CADPS: variants seen among roughly 807,000 people sequenced by gnomAD.
CADPS encodes calcium dependent secretion activator, also known as calcium-dependent secretion activator 1.
Under a neutral mutation model 167.3 loss-of-function variants are expected in CADPS, and 57 were observed. The ratio of observed to expected loss-of-function variants is 0.34; its 90% CI spans 0.28 to 0.42. The LOEUF (loss-of-function observed/expected upper bound fraction) is 0.42, where lower values mean the gene tolerates loss of function less well. Among genes scored for constraint, CADPS ranks in the 20% least tolerant of loss-of-function variants. The pLI, the probability that CADPS is intolerant of heterozygous loss-of-function variation, is 1.00. For missense variants in CADPS, 1,414 were observed against 1,738.1 expected (o/e 0.81, Z 3.32); for synonymous variants, 676 against 635.3 (o/e 1.06, Z -0.96).
chr3:62,674,986 T>C (rs2076128172), intron 3 of CADPS, among the ~76,000 whole-genome samples: 2 of 152,216 alleles, frequency 1.3e-5, no homozygotes, highest in South Asian at 2.1e-4. Context: ...GGTTAATTTA[T>C]TCCATGGTAA....
chr3:62,657,868 G>A (rs4688136), intron 4 of CADPS, among the ~76,000 whole-genome samples: 42,445 of 151,924 alleles, frequency 0.28, 6,700 homozygotes, highest in East Asian at 0.68. Context: ...TGAGAATGCT[G>A]CTGGCAAAAT....
intron 3 of CADPS, among the ~76,000 whole-genome samples, chr3:62,715,856 A>ACGCCGTTCTCC (rs71123292): frequency 7.2e-6 from 1 of 138,406 alleles, no homozygotes; most frequent in Non-Finnish European, 1.6e-5. Flanking sequence ...TCCCGGGTTC[A>ACGCCGTTCTCC]TGCCTCAGCC....
chr3:62,681,054 T>C (rs1391863102), intron 3 of CADPS, among the ~76,000 whole-genome samples: 1 of 152,074 alleles, frequency 6.6e-6, no homozygotes, highest in East Asian at 1.9e-4. Flanking sequence ...CCCTGCTCCA[T>C]GCATTTCCCT....
At chr3:62,516,961 T>A (rs1225987902) in intron 14 of CADPS, among the ~76,000 whole-genome samples, 1 of 152,142 alleles carries the variant, frequency 6.6e-6, no homozygotes, top group Non-Finnish European at 1.5e-5. Flanking sequence ...ACCTTATATG[T>A]TATTATCGAG....
chr3:62,488,568 CTG>C (rs1369506213), intron 21 of CADPS, among the ~76,000 whole-genome samples: 1 of 152,108 alleles, frequency 6.6e-6, no homozygotes, highest in African/African-American at 2.4e-5. Flanking sequence ...TCATGGCTCA[CTG>C]TAACCTTGAA....
At chr3:62,441,643 T>G (rs563475961) in intron 27 of CADPS, among the ~76,000 whole-genome samples, 12 of 152,232 alleles carry the variant, frequency 7.9e-5, no homozygotes, top group Non-Finnish European at 1.6e-4. Context: ...TTAAATGTTC[T>G]AACAAAAACC....
At chr3:62,644,893 T>C (rs1158885339) in intron 6 of CADPS, among the ~76,000 whole-genome samples, 2 of 152,222 alleles carry the variant, frequency 1.3e-5, no homozygotes, top group Non-Finnish European at 2.9e-5. Flanking sequence ...TATTTATAAT[T>C]ATATATTTGT....
intron 23 of CADPS, among the ~76,000 whole-genome samples, chr3:62,475,551 T>C (rs1442662753): frequency 7.9e-5 from 9 of 113,382 alleles, no homozygotes; most frequent in Non-Finnish European, 1.5e-4. Context: ...AGAAGCCAAG[T>C]ATAATTTCTA....
intron 1 of CADPS, 141 bp from the exon 2 acceptor site, chr3:62,766,125 G>T (rs1477096851): frequency 2.3e-6 from 1 of 432,268 alleles, no homozygotes; most frequent in South Asian, 7.6e-5. Flanking sequence ...GTGAATCTGT[G>T]GAAACTTCTG....
At chr3:62,810,962 AACTGGT>A (rs2094364850) in intron 1 of CADPS, among the ~76,000 whole-genome samples, 1 of 152,198 alleles carries the variant, frequency 6.6e-6, no homozygotes, top group South Asian at 2.1e-4. Context: ...AATCCAAAGG[AACTGGT>A]ACTGGTGGTG....
chr3:62,585,413 A>G (rs985927260), intron 7 of CADPS, 89 bp from the exon 8 acceptor site: 2 of 1,351,938 alleles, frequency 1.5e-6, no homozygotes, highest in Non-Finnish European at 2.0e-6. Flanking sequence ...TAGTGGAGTG[A>G]CTTGAACAAT....
At chr3:62,675,697 T>C (rs34975074) in intron 3 of CADPS, among the ~76,000 whole-genome samples, 12,047 of 152,188 alleles carry the variant, frequency 0.079, 628 homozygotes, top group Non-Finnish European at 0.12. Context: ...CTAATGTACC[T>C]ACAAGTTCCC....
At chr3:62,480,008 C>A (rs2061792703) in intron 22 of CADPS, among the ~76,000 whole-genome samples, 1 of 151,648 alleles carries the variant, frequency 6.6e-6, no homozygotes, top group South Asian at 2.1e-4. Context: ...TTTATTACAA[C>A]AACATTTTGA....
chr3:62,832,113 T>C (rs994222751), intron 1 of CADPS, among the ~76,000 whole-genome samples: 1 of 152,048 alleles, frequency 6.6e-6, no homozygotes, highest in Non-Finnish European at 1.5e-5. Context: ...GGGTTAAGAG[T>C]TATACAAGAA....
At position 62,581,475 on chromosome 3, in the gene CADPS, G is replaced by A. The variant is rs550119623; in HGVS notation, c.1577+3710C>T. Among the ~76,000 whole-genome samples, 31 of 143,992 alleles carry A rather than the reference G, an allele frequency of 2.2e-4. 1 individual carries two copies. The highest frequency in any genetic ancestry group is 2.1e-4 in the Admixed American group (3 of 14,520). The allele number at this position is 143,992 out of a possible 152,430, so 94.5% of individuals were successfully genotyped here. A position where few individuals can be genotyped will look rare whatever the true frequency, so the allele number is the denominator to read the frequency against. On this transcript the variant is annotated intron_variant, in intron 8 of 29. Transcript: ENST00000383710. ...AAAAAAAAAAAAAAAAAAGGAGTTCGAGACCAGCCAAGACAACATAGTGAG... is the reference window on the plus strand; with the variant it reads ...AAAAAAAAAAAAAAAAAAGGAGTTCAAGACCAGCCAAGACAACATAGTGAG...
Position 62,576,448 on chromosome 3 carries a change from G to A in CADPS, c.1578-5510C>T, listed in dbSNP as rs552096982. ...GCACGCTCACTGGCACGTGGTAAGG[G>A]CTGGATAAGTATTATTGTTATTGTT... On this transcript the variant is annotated intron_variant, in intron 8 of 29. Coordinates refer to ENST00000383710, the MANE Select transcript of CADPS (RefSeq NM_003716.4). Among the ~76,000 whole-genome samples the A allele has an allele frequency of 3.9e-5, 6 of 152,078 alleles. No homozygotes were observed. In the South Asian group the frequency reaches 1.2e-3, roughly 32 times the overall value.
intron 28 of CADPS, among the ~76,000 whole-genome samples, chr3:62,425,547 T>C (rs1490335037): frequency 6.6e-6 from 1 of 152,152 alleles, no homozygotes; most frequent in African/African-American, 2.4e-5. Flanking sequence ...AATAAAAAAG[T>C]ACATATGTAG....
intron 11 of CADPS, among the ~76,000 whole-genome samples, chr3:62,548,784 G>A (rs919205076): frequency 1.3e-5 from 2 of 152,178 alleles, no homozygotes; most frequent in Admixed American, 6.5e-5. Context: ...TATCTGTGGG[G>A]CTGACTACCT....
intron 1 of CADPS, among the ~76,000 whole-genome samples, chr3:62,838,666 C>T (rs768453185): frequency 3.3e-5 from 5 of 152,102 alleles, no homozygotes; most frequent in South Asian, 2.1e-4. Flanking sequence ...AATAGTAAAA[C>T]GTATTCCATA....
Sources: allele counts gnomAD v4.1 joint callset (sites outside exome capture counted in the v4.1 genomes callset), GRCh38; gene constraint gnomAD v4.1.1; transcripts MANE v1.5; gene names NCBI Gene and HGNC (gene_info 2026-07-23, HGNC 2026-07-21).